RRAGB: variants seen among roughly 807,000 people sequenced by gnomAD.
The protein encoded by RRAGB is ras-related GTP-binding protein B.
RRAGB carries 6 observed loss-of-function variants against 29.3 expected under a neutral mutation model. The observed-to-expected ratio is 0.21, with a 90% confidence interval of 0.11 to 0.40. The LOEUF (loss-of-function observed/expected upper bound fraction) is 0.40, where lower values mean the gene tolerates loss of function less well. Ranked by LOEUF, RRAGB falls within the 10% of genes least tolerant of loss-of-function variation. RRAGB has a pLI of 1.00. For synonymous variants in RRAGB, 101 were observed against 92.5 expected, an observed-to-expected ratio of 1.09 and a Z score of -0.53; for missense variants, 184 against 272.9, an observed-to-expected ratio of 0.67 and a Z score of 2.29.
chrX:55,745,341 G>A (rs1289346540), intron 5 of RRAGB, among the ~76,000 whole-genome samples: 1 of 112,670 alleles, frequency 8.9e-6, no homozygotes, highest in Non-Finnish European at 1.9e-5. Flanking sequence ...GGCCTTGCCT[G>A]CTGAAAGCAA....
intron 2 of RRAGB, among the ~76,000 whole-genome samples, chrX:55,720,175 G>A (rs188124921): frequency 8.9e-6 from 1 of 112,095 alleles, no homozygotes; most frequent in Non-Finnish European, 1.9e-5. Context: ...TTCTTGATGA[G>A]CCTGTCTGAA....
chrX:55,730,766 C>T, intron 4 of RRAGB, among the ~76,000 whole-genome samples: 1 of 111,290 alleles, frequency 9.0e-6, no homozygotes, highest in East Asian at 2.8e-4. Flanking sequence ...AACTTGCTGT[C>T]TAGGGAAGTG....
intron 8 of RRAGB, 98 bp from the exon 9 acceptor site, chrX:55,757,118 T>A: frequency 1.5e-5 from 6 of 411,291 alleles, no homozygotes; most frequent in Non-Finnish European, 2.7e-5. Context: ...TGAGGTATAG[T>A]GCTATACCTC....
At chrX:55,719,368 C>A in intron 2 of RRAGB, 21 bp downstream of exon 2, 1 of 1,139,062 alleles carries the variant, frequency 8.8e-7, no homozygotes, top group Non-Finnish European at 1.2e-6. Flanking sequence ...TTAGATACGT[C>A]AAAACCATGA....
intron 3 of RRAGB, chrX:55,727,514 G>A (rs2033521741): frequency 4.6e-6 from 2 of 435,922 alleles, no homozygotes; most frequent in East Asian, 7.9e-5. Flanking sequence ...GTAATCCTGT[G>A]AGGTCAGTGC....
In RRAGB at chrX:55,732,912, C is replaced by G. The variant is rs372888826; in HGVS notation, c.516+1326C>G. 5.7e-4 allele frequency among the ~76,000 whole-genome samples: 63 copies of G among 111,177 alleles called. No homozygotes were observed. In the South Asian group the frequency reaches 0.022, roughly 40 times the overall value. ...ATTCCAATAAATGAGCTCCTTTAAA[C>G]ATTTAGAAGTGTTTTATTCACTTGT... On this transcript the variant is annotated intron_variant, in intron 5 of 9. Coordinates refer to ENST00000374941, the MANE Select transcript of RRAGB (RefSeq NM_006064.5).
At position 55,745,671 on chromosome X, in the gene RRAGB, G is replaced by A. The variant is rs749679006; in HGVS notation, c.517-5430G>A. Among the ~76,000 whole-genome samples the A allele has an allele frequency of 4.5e-5, 5 of 112,251 alleles. No individual in the cohort carries two copies. In the East Asian group the frequency reaches 1.1e-3, roughly 25 times the overall value. ...AATCCTTCCAGGAATATGCAATATT[G>A]CTTTTGGTTACCATTTTCCTAGGTA... On this transcript the variant is annotated intron_variant, in intron 5 of 9. Coordinates refer to ENST00000374941, the MANE Select transcript of RRAGB (RefSeq NM_006064.5).
intron 7 of RRAGB, 23 bp downstream of exon 7, chrX:55,753,537 A>G: frequency 8.5e-7 from 1 of 1,174,387 alleles, no homozygotes; most frequent in Non-Finnish European, 1.2e-6. Context: ...TGCTTTGCAG[A>G]TGTACTTCAC....
intron 5 of RRAGB, among the ~76,000 whole-genome samples, chrX:55,736,167 T>C (rs901716158): frequency 8.9e-6 from 1 of 112,190 alleles, no homozygotes; most frequent in African/African-American, 3.2e-5. Flanking sequence ...ACCAGGAAAG[T>C]TTTCCTCAAA....
chrX:55,727,445 GT>G lies in RRAGB; in HGVS notation c.227-1846del. On this transcript the variant is annotated intron_variant, in intron 3 of 9. Transcript: ENST00000374941. ...GGAAGTAAAGGGGAGAAGGGAAGTA[GT>G]TTGAGCACCTACTATGTGCCAGGCA... The G allele has an allele frequency of 9.0e-6, 5 of 557,880 alleles. No individual in the cohort carries two copies. In the South Asian group the frequency reaches 1.3e-4, roughly 14 times the overall value. 46.0% of individuals were successfully genotyped at this position (557,880 alleles called of 1,213,427 possible). A position where few individuals can be genotyped will look rare whatever the true frequency, so the allele number is the denominator to read the frequency against.
chrX:55,725,467 G>T (rs1457715547), intron 3 of RRAGB, among the ~76,000 whole-genome samples: 2 of 111,842 alleles, frequency 1.8e-5, no homozygotes, highest in Admixed American at 9.5e-5. Context: ...CTTTTTATTT[G>T]ATAGTCCTCT....
At position 55,739,230 on chromosome X, in the gene RRAGB, G is replaced by C. The variant is rs755469144; in HGVS notation, c.516+7644G>C. ...TTTCAGGCCTCACCTCTCCCTGTTT[G>C]TTCACGAAGCTGGGGCACTTGGCTG... On this transcript the variant is annotated intron_variant, in intron 5 of 9. Transcript: ENST00000374941. Among the ~76,000 whole-genome samples the C allele has an allele frequency of 7.1e-5, 8 of 112,867 alleles. No individual in the cohort carries two copies. The East Asian group carries it at 2.2e-3, about 31-fold the overall frequency.
At chrX:55,738,690 C>G (rs954718996) in intron 5 of RRAGB, among the ~76,000 whole-genome samples, 5 of 112,023 alleles carry the variant, frequency 4.5e-5, no homozygotes, top group Admixed American at 1.9e-4. Context: ...ACCAGTTGCC[C>G]TCTAGCCAGG....
intron 5 of RRAGB, among the ~76,000 whole-genome samples, chrX:55,748,149 G>C (rs1306705992): frequency 8.9e-6 from 1 of 112,874 alleles, no homozygotes; most frequent in Admixed American, 9.3e-5. Flanking sequence ...GGATTGCAGA[G>C]GGAGTCTCGT....
At chrX:55,751,060 A>C in intron 5 of RRAGB, 41 bp from the exon 6 acceptor site, 1 of 745,593 alleles carries the variant, frequency 1.3e-6, no homozygotes, top group Non-Finnish European at 2.0e-6. Context: ...AAAGATGGGA[A>C]CTATTATATG....
In RRAGB at chrX:55,758,456, A is replaced by T; in HGVS notation, c.*113A>T. On this transcript the variant is annotated 3_prime_UTR_variant, in exon 10 of 10. Coordinates refer to ENST00000374941, the MANE Select transcript of RRAGB (RefSeq NM_006064.5). ...CTTATTGCTTCTGTATTTCTTCTCT[A>T]CTCCCTAGTCTTAATGTTTAACCTT... The T allele has an allele frequency of 2.2e-6, 1 of 453,700 alleles. No individual in the cohort carries two copies. Among genetic ancestry groups the T allele is most frequent in the Non-Finnish European group, 3.7e-6 (1 of 268,976 alleles). The allele number at this position is 453,700 out of a possible 1,213,427, so 37.4% of individuals were successfully genotyped here.
Position 55,718,325 on chromosome X carries a change from G to T in RRAGB, c.-3G>T, listed in dbSNP as rs2033128228. On this transcript the variant is annotated 5_prime_UTR_variant, in exon 1 of 10. Coordinates refer to ENST00000374941, the MANE Select transcript of RRAGB (RefSeq NM_006064.5). ...GAAGGGACTGGAAAGGACTTGTTGC[G>T]CAATGGAAGAATCTGACTCTGAGAA... is the stretch of plus-strand genomic sequence containing the variant. 8.4e-7 allele frequency: 1 copy of T among 1,194,957 alleles called. No individual in the cohort carries two copies.
intron 3 of RRAGB, among the ~76,000 whole-genome samples, chrX:55,724,976 G>A (rs952280275): frequency 5.4e-5 from 6 of 111,886 alleles, no homozygotes; most frequent in African/African-American, 1.9e-4. Context: ...TTTTGTTGAA[G>A]CATCTTTTTC....
At chrX:55,749,102 G>T (rs2034403460) in intron 5 of RRAGB, among the ~76,000 whole-genome samples, 1 of 100,617 alleles carries the variant, frequency 9.9e-6, no homozygotes, top group African/African-American at 3.7e-5. Flanking sequence ...CGTCCGGGAG[G>T]TGAGTGGTGC....
Sources: gnomAD v4.1 joint callset for allele counts (sites outside exome capture counted in the v4.1 genomes callset) on GRCh38, gnomAD v4.1.1 for gene constraint, MANE v1.5 for transcripts, NCBI Gene and HGNC (gene_info 2026-07-23, HGNC 2026-07-21) for gene names.